RAB21: variants seen among roughly 807,000 people sequenced by gnomAD.
RAB21 encodes the protein ras-related protein Rab-21.
A neutral mutation model predicts 33.1 loss-of-function variants in RAB21; 13 were observed. That is an observed-to-expected ratio of 0.39 (90% CI 0.26 to 0.62). The LOEUF (loss-of-function observed/expected upper bound fraction) is 0.62. Among genes scored for constraint, RAB21 ranks in the 20% least tolerant of loss-of-function variants. RAB21 has a pLI of 0.48. For missense variants in RAB21, 234 were observed against 279.1 expected, an observed-to-expected ratio of 0.84 and a Z score of 1.15; for synonymous variants, 91 against 103.7, an observed-to-expected ratio of 0.88 and a Z score of 0.74.
rs567784398 is a variant in RAB21, at chr12:71,787,208, A to G, written c.*1535A>G. On this transcript the variant is annotated 3_prime_UTR_variant, in exon 7 of 7. Transcript: ENST00000261263. ...GATATAGTGAACACTGGAAAGATTT[A>G]TTAAAGAATTATATTTGTGTATACT... The G allele has an allele frequency of 1.1e-4, 16 of 152,310 alleles. No individual in the cohort carries two copies. In the South Asian group the frequency reaches 3.3e-3, roughly 32 times the overall value. 9.4% of individuals were successfully genotyped at this position (152,310 alleles called of 1,614,324 possible).
At chr12:71,755,324 G>A (rs1461289539) in intron 1 of RAB21, 36 bp downstream of exon 1, 9 of 1,475,012 alleles carry the variant, frequency 6.1e-6, no homozygotes, top group Non-Finnish European at 8.1e-6. Flanking sequence ...GGCGCCTCAG[G>A]GCCCCTACCC....
intron 1 of RAB21, among the ~76,000 whole-genome samples, chr12:71,757,861 G>A (rs192037712): frequency 6.6e-6 from 1 of 151,944 alleles, no homozygotes; most frequent in Non-Finnish European, 1.5e-5. Flanking sequence ...AAGAATTGCA[G>A]GATTGACAGG....
At chr12:71,762,487 A>G (rs2137640710) in intron 1 of RAB21, among the ~76,000 whole-genome samples, 1 of 150,742 alleles carries the variant, frequency 6.6e-6, no homozygotes, top group South Asian at 2.1e-4. Context: ...TTGTATTTTT[A>G]GTAGAGACGG....
chr12:71,769,084 T>G (rs1883003207), intron 1 of RAB21, among the ~76,000 whole-genome samples: 2 of 152,164 alleles, frequency 1.3e-5, no homozygotes. Flanking sequence ...GTTTGAGGCT[T>G]CAGTGGCTTC....
At chr12:71,782,947 A>T (rs1401662072) in intron 6 of RAB21, among the ~76,000 whole-genome samples, 1 of 152,150 alleles carries the variant, frequency 6.6e-6, no homozygotes, top group Non-Finnish European at 1.5e-5. Flanking sequence ...GAATTTACAT[A>T]TTAAAACAGA....
chr12:71,769,037 A>G (rs1883002398), intron 1 of RAB21, among the ~76,000 whole-genome samples: 1 of 152,186 alleles, frequency 6.6e-6, no homozygotes, highest in Admixed American at 6.5e-5. Context: ...GGTATTGACC[A>G]TACCCACTTG....
At position 71,791,970 on chromosome 12, in the gene RAB21, TCCTCCCA is replaced by T. The variant is rs900788151; in HGVS notation, c.*6302_*6308del. 1.3e-5 allele frequency: 2 copies of T among 152,118 alleles called. No individual in the cohort carries two copies. The highest frequency in any genetic ancestry group is 2.9e-5 in the Non-Finnish European group (2 of 68,028). The allele number at this position is 152,118 out of a possible 1,614,324, so 9.4% of individuals were successfully genotyped here. On this transcript the variant is annotated 3_prime_UTR_variant, in exon 7 of 7. Coordinates refer to ENST00000261263, the MANE Select transcript of RAB21 (RefSeq NM_014999.4). ...GCCTCAAACTCCTGGGCTTAAGCAA[TCCTCCCA>T]CCTCAGACTTCGAAGTAGCTGGTAT...
In RAB21 at chr12:71,755,012, GC is replaced by G. The variant is rs1252665533; in HGVS notation, c.-115del. 62 of 950,900 alleles carry G rather than the reference GC, an allele frequency of 6.5e-5. No individual in the cohort carries two copies. Among genetic ancestry groups the G allele is most frequent in the Non-Finnish European group, 7.6e-5 (60 of 794,564 alleles). 58.9% of individuals were successfully genotyped at this position (950,900 alleles called of 1,614,324 possible). ...CGCCCGAGGAGGGCGTGGGGACAGC[GC>G]CCGGGTCGGCGGGGCCGGGGCGGTG... is the stretch of plus-strand genomic sequence containing the variant. On this transcript the variant is annotated 5_prime_UTR_variant, in exon 1 of 7. Transcript: ENST00000261263.
At chr12:71,776,807 C>T (rs1021370472) in intron 4 of RAB21, among the ~76,000 whole-genome samples, 10 of 151,848 alleles carry the variant, frequency 6.6e-5, no homozygotes, top group African/African-American at 2.2e-4. Context: ...TTTTGGGCCT[C>T]GTTACAGATA....
At chr12:71,784,170 T>C (rs1883245586) in intron 6 of RAB21, among the ~76,000 whole-genome samples, 1 of 152,210 alleles carries the variant, frequency 6.6e-6, no homozygotes, top group African/African-American at 2.4e-5. Flanking sequence ...AGAGCCCTTT[T>C]GTATTTTAAG....
intron 4 of RAB21, among the ~76,000 whole-genome samples, chr12:71,777,025 A>T (rs1883130616): frequency 6.6e-6 from 1 of 152,232 alleles, no homozygotes; most frequent in Non-Finnish European, 1.5e-5. Flanking sequence ...CTTCACATTT[A>T]GCTGAAATCA....
intron 1 of RAB21, among the ~76,000 whole-genome samples, chr12:71,769,028 G>A (rs919916575): frequency 1.3e-5 from 2 of 152,110 alleles, no homozygotes; most frequent in African/African-American, 2.4e-5. Flanking sequence ...TTCATCTCTG[G>A]TATTGACCAT....
chr12:71,786,930 C>T lies in RAB21; in HGVS notation c.*1257C>T, dbSNP rs1883302162. On this transcript the variant is annotated 3_prime_UTR_variant, in exon 7 of 7. Transcript: ENST00000261263. The stretch of plus-strand genomic sequence containing the variant: ...ATGTTGAATTTCACTTCTGCAATAG[C>T]TTTCATTTTCTCATAGGCTTTATAA... 6.6e-6 allele frequency: 1 copy of T among 152,150 alleles called. No individual in the cohort carries two copies. The highest frequency in any genetic ancestry group is 1.5e-5 in the Non-Finnish European group (1 of 68,038). The allele number at this position is 152,150 out of a possible 1,614,324, so 9.4% of individuals were successfully genotyped here. A position where few individuals can be genotyped will look rare whatever the true frequency, so the allele number is the denominator to read the frequency against.
chr12:71,794,425 ATATTTTTTTTTTTTTT>A lies in RAB21; in HGVS notation c.*8754_*8769del, dbSNP rs1397578530. The A allele has an allele frequency of 4.3e-5, 2 of 46,566 alleles. No individual in the cohort carries two copies. The highest frequency in any genetic ancestry group is 1.1e-4 in the African/African-American group (1 of 8,718). 2.9% of individuals were successfully genotyped at this position (46,566 alleles called of 1,614,324 possible). A position where few individuals can be genotyped will look rare whatever the true frequency, so the allele number is the denominator to read the frequency against. Reference sequence around the variant, plus strand: ...ATATATTATATATATATATATATATATATTTTTTTTTTTTTTTTTTTTTTTTTTTTTGAGACGGAGT... The same window carrying A: ...ATATATTATATATATATATATATATATTTTTTTTTTTTTTTGAGACGGAGT... On this transcript the variant is annotated 3_prime_UTR_variant, in exon 7 of 7. Transcript: ENST00000261263.
Position 71,767,189 on chromosome 12 carries a change from G to A in RAB21, c.160-2611G>A, listed in dbSNP as rs116307191. Among the ~76,000 whole-genome samples the A allele has an allele frequency of 4.9e-3, 746 of 152,228 alleles. 8 individuals are homozygous for A. The highest frequency in any genetic ancestry group is 0.017 in the African/African-American group (711 of 41,538). On this transcript the variant is annotated intron_variant, in intron 1 of 6. Transcript: ENST00000261263. ...TTGTTTTTGTTTTTCTATATAATCAGTGTTGTCATGTGTACCCTTTCCGTA... is the reference window on the plus strand; with the variant it reads ...TTGTTTTTGTTTTTCTATATAATCAATGTTGTCATGTGTACCCTTTCCGTA...
At position 71,797,704 on chromosome 12, in the gene RAB21, CAA is replaced by C. The variant is rs1271448109; in HGVS notation, c.*12032_*12033del. On this transcript the variant is annotated 3_prime_UTR_variant, in exon 7 of 7. Transcript: ENST00000261263. Reference sequence around the variant, plus strand: ...AGACTGGCCTTATGAAATATTTAAACAAGAGAGCTCCAATAATTAAAACAGTC... The same window carrying C: ...AGACTGGCCTTATGAAATATTTAAACGAGAGCTCCAATAATTAAAACAGTC... The C allele has an allele frequency of 2.8e-5, 4 of 140,960 alleles. No individual in the cohort carries two copies. The highest frequency in any genetic ancestry group is 5.2e-5 in the African/African-American group (2 of 38,274). 8.7% of individuals were successfully genotyped at this position (140,960 alleles called of 1,614,324 possible).
rs1425113484 is a variant in RAB21 at position 71,786,665 on chromosome 12, G to A, written c.*992G>A. 5 of 152,568 alleles carry A rather than the reference G, an allele frequency of 3.3e-5. No individual in the cohort carries two copies. The highest frequency in any genetic ancestry group is 9.7e-5 in the African/African-American group (4 of 41,420). 9.5% of individuals were successfully genotyped at this position (152,568 alleles called of 1,614,324 possible). ...TTTGGTGATTATGCCTAGCTTTTTT[G>A]ACTAATATAAAGATCATAGCTCCCC... is the stretch of plus-strand genomic sequence containing the variant. On this transcript the variant is annotated 3_prime_UTR_variant, in exon 7 of 7. Coordinates refer to ENST00000261263, the MANE Select transcript of RAB21 (RefSeq NM_014999.4).
At chr12:71,778,466 T>C (rs1218145103) in intron 4 of RAB21, among the ~76,000 whole-genome samples, 1 of 152,134 alleles carries the variant, frequency 6.6e-6, no homozygotes, top group Non-Finnish European at 1.5e-5. Flanking sequence ...TTAGAGACCT[T>C]GAAACTTCCC....
chr12:71,767,851 C>T (rs769571280), intron 1 of RAB21, among the ~76,000 whole-genome samples: 4 of 152,086 alleles, frequency 2.6e-5, no homozygotes, highest in East Asian at 1.9e-4. Flanking sequence ...ATTAAATATT[C>T]GGATAGGATT....
Sources: allele counts gnomAD v4.1 joint callset (sites outside exome capture counted in the v4.1 genomes callset), GRCh38; gene constraint gnomAD v4.1.1; transcripts MANE v1.5; gene names NCBI Gene and HGNC (gene_info 2026-07-23, HGNC 2026-07-21).